The following FRMD6 variants were observed in gnomAD, a reference collection of about 807,000 sequenced individuals.
FRMD6 encodes FERM domain containing 6.
FRMD6 carries 37 observed loss-of-function variants against 73.2 expected under a neutral mutation model. That is an observed-to-expected ratio of 0.51 (90% confidence interval 0.39 to 0.66). FRMD6 has a LOEUF of 0.66. Ranked by LOEUF, FRMD6 falls within the 30% of genes least tolerant of loss-of-function variation. The probability of loss-of-function intolerance (pLI) is 0.00; values close to 1 mark genes in which losing one functional copy is unlikely to be tolerated. For synonymous variants in FRMD6, 273 were observed against 282.2 expected, an observed-to-expected ratio of 0.97 and a Z score of 0.33; for missense variants, 714 against 780.5, an observed-to-expected ratio of 0.91 and a Z score of 1.02.
chr14:51,453,984 G>A, the FRMD6 span, among the ~76,000 whole-genome samples: 3 of 152,200 alleles, frequency 2.0e-5, no homozygotes, highest in African/African-American at 7.2e-5. Context: ...TACCAAAGGC[G>A]ATGAAGCAGG....
intron 1 of FRMD6, among the ~76,000 whole-genome samples, chr14:51,569,159 C>T (rs1469512652): frequency 6.6e-6 from 1 of 152,154 alleles, no homozygotes; most frequent in Non-Finnish European, 1.5e-5. Flanking sequence ...AAGGCTTTTA[C>T]TGAAGAAGCC....
the FRMD6 span, among the ~76,000 whole-genome samples, chr14:51,459,884 C>CTTTTTTTTTGTTTTT: frequency 1.3e-5 from 1 of 74,650 alleles, no homozygotes; most frequent in African/African-American, 5.8e-5. Context: ...TACTGACTCT[C>CTTTTTTTTTGTTTTT]TTTTTTTTTT....
intron 1 of FRMD6, among the ~76,000 whole-genome samples, chr14:51,526,101 C>T (rs909653199): frequency 6.6e-6 from 1 of 152,192 alleles, no homozygotes; most frequent in African/African-American, 2.4e-5. Flanking sequence ...CGCTTCTTAA[C>T]AAGTCCTCGC....
the FRMD6 span, among the ~76,000 whole-genome samples, chr14:51,398,916 TG>T: frequency 6.6e-6 from 1 of 152,182 alleles, no homozygotes; most frequent in Non-Finnish European, 1.5e-5. Context: ...ATTGCCAGTG[TG>T]TACAGAATAA....
chr14:51,421,035 C>G, the FRMD6 span, among the ~76,000 whole-genome samples: 1 of 152,132 alleles, frequency 6.6e-6, no homozygotes, highest in Non-Finnish European at 1.5e-5. Context: ...CTCAGTCTCC[C>G]AAAGTAATGG....
intron 2 of FRMD6, among the ~76,000 whole-genome samples, chr14:51,605,458 T>A (rs1411253895): frequency 6.6e-6 from 1 of 152,168 alleles, no homozygotes; most frequent in Non-Finnish European, 1.5e-5. Context: ...ATTTGCTACA[T>A]CAAATAAGGG....
chr14:51,507,559 G>A (rs1020474775), intron 1 of FRMD6, among the ~76,000 whole-genome samples: 2 of 152,124 alleles, frequency 1.3e-5, no homozygotes, highest in Admixed American at 1.3e-4. Context: ...AAAAGTCTCC[G>A]TATCAGGAAT....
chr14:51,532,475 G>T (rs993013515), intron 1 of FRMD6, among the ~76,000 whole-genome samples: 2 of 151,946 alleles, frequency 1.3e-5, no homozygotes, highest in African/African-American at 4.8e-5. Flanking sequence ...TATTCATTCA[G>T]ATTGAAGAGA....
intron 2 of FRMD6, among the ~76,000 whole-genome samples, chr14:51,640,750 C>A (rs1199948993): frequency 1.3e-5 from 2 of 152,120 alleles, no homozygotes; most frequent in Non-Finnish European, 2.9e-5. Flanking sequence ...ACAAACAATT[C>A]TTGATAGCCC....
chr14:51,664,866 A>C (rs1425306653), intron 1 of FRMD6, among the ~76,000 whole-genome samples: 2 of 152,310 alleles, frequency 1.3e-5, no homozygotes, highest in East Asian at 3.9e-4. Context: ...GTTAGTTAGA[A>C]TGTAATTGGC....
At chr14:51,404,821 T>C in the FRMD6 span, among the ~76,000 whole-genome samples, 5 of 152,206 alleles carry the variant, frequency 3.3e-5, no homozygotes, top group African/African-American at 9.6e-5. Context: ...AGGTTTGTTA[T>C]GTAGGTAAAC....
chr14:51,621,246 G>A (rs1356801817), intron 2 of FRMD6, among the ~76,000 whole-genome samples: 2 of 152,090 alleles, frequency 1.3e-5, no homozygotes, highest in African/African-American at 2.4e-5. Context: ...AGGCTCAGAA[G>A]TGGTGGAGTT....
At chr14:51,687,910 T>G (rs1293421215) in intron 1 of FRMD6, among the ~76,000 whole-genome samples, 2 of 152,340 alleles carry the variant, frequency 1.3e-5, no homozygotes, top group East Asian at 3.9e-4. Context: ...GCTCAGTCCC[T>G]TCCTTCTGCT....
chr14:51,720,504 A>AGAGGT, intron 11 of FRMD6, 114 bp downstream of exon 11: 2 of 908,282 alleles, frequency 2.2e-6, no homozygotes, highest in Non-Finnish European at 3.4e-6. Context: ...ATAAAGTGGA[A>AGAGGT]GAGGTGTCTT....
At chr14:51,441,274 C>G in the FRMD6 span, among the ~76,000 whole-genome samples, 1 of 152,180 alleles carries the variant, frequency 6.6e-6, no homozygotes, top group Non-Finnish European at 1.5e-5. Context: ...GCTTTCGGGC[C>G]CTGCCCACAG....
chr14:51,704,798 C>A lies in FRMD6; in HGVS notation c.421C>A (p.Leu141Ile), dbSNP rs368248024. Residue 141 changes from leucine to isoleucine, a missense_variant, in exon 6 of 14, where the codon CTT (leucine) becomes ATT (isoleucine). Coordinates refer to ENST00000344768, the MANE Select transcript of FRMD6 (RefSeq NM_001267046.2). ...TTACTGGCACCTGAGAAAACAAGTT[C>A]TTCATTCTCAGTGTGTGCTCCGAGA... The part of the protein sequence containing the change: ...YYYWHLRKQV[L>I]HSQCVLREEA... 27 of 1,613,274 alleles carry A rather than the reference C, an allele frequency of 1.7e-5. 1 individual carries two copies. In the Middle Eastern group the frequency reaches 2.0e-3, roughly 118 times the overall value.
chr14:51,604,691 C>T (rs985952306), intron 2 of FRMD6, among the ~76,000 whole-genome samples: 4 of 152,104 alleles, frequency 2.6e-5, no homozygotes, highest in African/African-American at 4.8e-5. Flanking sequence ...GGTAGAACAA[C>T]GTCAACTAGA....
chr14:51,400,355 A>T, the FRMD6 span, among the ~76,000 whole-genome samples: 1 of 152,140 alleles, frequency 6.6e-6, no homozygotes, highest in African/African-American at 2.4e-5. Flanking sequence ...AAGTGAGGTC[A>T]TATGGTAACT....
chr14:51,657,572 T>TA (rs745489697), intron 1 of FRMD6, among the ~76,000 whole-genome samples: 28 of 152,364 alleles, frequency 1.8e-4, no homozygotes, highest in Non-Finnish European at 3.1e-4. Context: ...TGTGAATGAA[T>TA]ATGCCCAGTT....
Sources: allele counts gnomAD v4.1 joint callset (sites outside exome capture counted in the v4.1 genomes callset), GRCh38; gene constraint gnomAD v4.1.1; transcripts MANE v1.5; gene names NCBI Gene and HGNC (gene_info 2026-07-23, HGNC 2026-07-21).